Variants in OR51I2 observed in about 807,000 individuals in gnomAD.
OR51I2 encodes the protein olfactory receptor 51I2.
OR51I2 carries 6 observed loss-of-function variants against 9.3 expected under a neutral mutation model. That is an observed-to-expected ratio of 0.64 (90% CI 0.35 to 1.27). The LOEUF (loss-of-function observed/expected upper bound fraction) is 1.27, where lower values mean the gene tolerates loss of function less well. Among genes scored for constraint, OR51I2 ranks in the 50% most tolerant of loss-of-function variants. The pLI, the probability that OR51I2 is intolerant of heterozygous loss-of-function variation, is 0.03. For synonymous variants in OR51I2, 179 were observed against 143.1 expected (o/e 1.25, Z -1.79); for missense variants, 489 against 396.4 (o/e 1.23, Z -1.98).
Position 5,454,379 on chromosome 11 carries a change from G to A in OR51I2, c.891G>A (p.Lys297=). 4 of 1,612,236 alleles carry A rather than the reference G, an allele frequency of 2.5e-6. No homozygotes were observed. Among genetic ancestry groups the A allele is most frequent in the East Asian group, 2.2e-5 (1 of 44,878 alleles). Residue 297 remains lysine (K), a synonymous_variant, in exon 2 of 2, where the codon AAG becomes AAA. Transcript: ENST00000641930. ...LNPLIYSAKT[K]EIRRAIFRMF... ...CTCTCATTTATAGCGCCAAGACAAA[G>A]GAAATCCGCCGAGCCATTTTCCGCA...
In OR51I2 at chr11:5,453,630, G is replaced by A. The variant is rs909671496; in HGVS notation, c.142G>A (p.Ala48Thr). The A allele has an allele frequency of 6.2e-7, 1 of 1,613,778 alleles. No individual in the cohort carries two copies. The highest frequency in any genetic ancestry group is 8.5e-7 in the Non-Finnish European group (1 of 1,179,896). Residue 48 changes from alanine to threonine, a missense_variant, in exon 2 of 2, where the codon GCT becomes ACT. Transcript: ENST00000641930. ...TGGGGGAAATACAGTGATCCTGCAG[G>A]CTGTGCGAGTGGAGCCCAGCCTCCA... ...ALGGNTVILQ[A>T]VRVEPSLHEP...
rs1564819050 is a variant in OR51I2 at position 5,454,999 on chromosome 11, C to T, written c.*572C>T. 1 of 152,482 alleles carries T rather than the reference C, an allele frequency of 6.6e-6. No individual in the cohort carries two copies. Among genetic ancestry groups the T allele is most frequent in the Admixed American group, 6.5e-5 (1 of 15,296 alleles). 9.4% of individuals were successfully genotyped at this position (152,482 alleles called of 1,614,324 possible). Reference sequence around the variant, plus strand: ...CTGCCTTTGCTTTCCCCACCACTGTCATTCTCAAACACTCATACATTGCTT... The same window carrying T: ...CTGCCTTTGCTTTCCCCACCACTGTTATTCTCAAACACTCATACATTGCTT... On this transcript the variant is annotated 3_prime_UTR_variant, in exon 2 of 2. Coordinates refer to ENST00000641930, the MANE Select transcript of OR51I2 (RefSeq NM_001004754.3).
Position 5,453,802 on chromosome 11 carries a change from A to C in OR51I2, c.314A>C (p.His105Pro). The C allele has an allele frequency of 6.2e-7, 1 of 1,614,032 alleles. No homozygotes were observed. Among genetic ancestry groups the C allele is most frequent in the South Asian group, 1.1e-5 (1 of 91,078 alleles). Reference protein sequence around the residue: ...DACLIQMFLIHFFSMMESGIL... With the variant: ...DACLIQMFLIPFFSMMESGIL... ...TGTCTAATTCAGATGTTTCTTATTC[A>C]CTTCTTCTCCATGATGGAATCAGGT... The change falls in exon 2 of 2, where the codon CAC (histidine) becomes CCC (proline). Residue 105 changes from histidine (H) to proline (P), a missense_variant. By Grantham distance (77) the His-to-Pro change is moderately conservative (BLOSUM62 -2). Coordinates refer to ENST00000641930, the MANE Select transcript of OR51I2 (RefSeq NM_001004754.3).
At position 5,453,534 on chromosome 11, in the gene OR51I2, G is replaced by A; in HGVS notation, c.46G>A (p.Gly16Ser). The stretch of plus-strand genomic sequence containing the variant: ...TCACCCTGCATTCTTCCTCCTGACT[G>A]GTATCCCTGGTCTGGAGAGCTCTCA... ...VTHPAFFLLTGIPGLESSHSW... is the reference protein window; with the variant it reads ...VTHPAFFLLTSIPGLESSHSW... Residue 16 changes from glycine to serine, a missense_variant, in exon 2 of 2, where the codon GGT (glycine) becomes AGT (serine). By Grantham distance (56) the Gly-to-Ser change is moderately conservative (BLOSUM62 0). Transcript: ENST00000641930. The A allele has an allele frequency of 2.5e-6, 4 of 1,594,868 alleles. No homozygotes were observed. The highest frequency in any genetic ancestry group is 3.4e-6 in the Non-Finnish European group (4 of 1,172,158).
At position 5,454,028 on chromosome 11, in the gene OR51I2, G is replaced by A. The variant is rs1342656358; in HGVS notation, c.540G>A (p.Leu180=). Residue 180 remains leucine (L), a synonymous_variant, in exon 2 of 2, where the codon CTG becomes CTA. Coordinates refer to ENST00000641930, the MANE Select transcript of OR51I2 (RefSeq NM_001004754.3). The part of the protein sequence containing the change: ...RSNVLSHSYC[L]HPDMMRLACA... ...ATGTTCTTTCTCACTCCTACTGCCT[G>A]CACCCAGACATGATGAGGCTTGCCT... The A allele has an allele frequency of 6.2e-7, 1 of 1,613,914 alleles. No individual in the cohort carries two copies. The highest frequency in any genetic ancestry group is 8.5e-7 in the Non-Finnish European group (1 of 1,180,038).
Position 5,453,722 on chromosome 11 carries a change from GC to G in OR51I2, c.237del (p.Thr80LeufsTer19), listed in dbSNP as rs753761760. ...SDVAISMATL[P>X]TVLRTFCLNA... ...ATGTGGCCATATCCATGGCCACACT[GC>G]CCACTGTACTCCGAACCTTCTGCCT... On this transcript the variant is annotated frameshift_variant, in exon 2 of 2. Coordinates refer to ENST00000641930, the MANE Select transcript of OR51I2 (RefSeq NM_001004754.3). LOFTEE classifies it high-confidence loss of function. 3.0e-5 allele frequency: 48 copies of G among 1,613,904 alleles called. No homozygotes were observed. Among genetic ancestry groups the G allele is most frequent in the Middle Eastern group, 1.6e-4 (1 of 6,080 alleles).
intron 1 of OR51I2, among the ~76,000 whole-genome samples, chr11:5,451,311 T>TCA (rs1850843621): frequency 1.3e-5 from 2 of 152,378 alleles, no homozygotes; most frequent in South Asian, 4.1e-4. Flanking sequence ...AATCCTGCTT[T>TCA]CAGCCTGTTT....
intron 1 of OR51I2, among the ~76,000 whole-genome samples, chr11:5,451,159 T>G (rs1850841670): frequency 6.6e-6 from 1 of 152,174 alleles, no homozygotes; most frequent in East Asian, 1.9e-4. Flanking sequence ...TTTATTCCTA[T>G]CTGTCCAGAC....
At position 5,453,631 on chromosome 11, in the gene OR51I2, C is replaced by T; in HGVS notation, c.143C>T (p.Ala48Val). 6.2e-7 allele frequency: 1 copy of T among 1,613,786 alleles called. No homozygotes were observed. Among genetic ancestry groups the T allele is most frequent in the Non-Finnish European group, 8.5e-7 (1 of 1,179,868 alleles). Residue 48 changes from alanine (A) to valine (V), a missense_variant, in exon 2 of 2, where the codon GCT becomes GTT. Physicochemically the swap from Ala to Val is moderately conservative, Grantham distance 64 (BLOSUM62 0). Coordinates refer to ENST00000641930, the MANE Select transcript of OR51I2 (RefSeq NM_001004754.3). ...GGGGGAAATACAGTGATCCTGCAGG[C>T]TGTGCGAGTGGAGCCCAGCCTCCAT... ...ALGGNTVILQ[A>V]VRVEPSLHEP... is the part of the protein sequence containing the mutation.
At chr11:5,452,504 C>CAAAAAAAAAAAAAAAAAAA (rs56677841) in intron 1 of OR51I2, among the ~76,000 whole-genome samples, 2 of 69,188 alleles carry the variant, frequency 2.9e-5, no homozygotes, top group Non-Finnish European at 2.6e-5. Flanking sequence ...GACTCTGTCT[C>CAAAAAAAAAAAAAAAAAAA]AAAAAAAAAA....
chr11:5,450,973 TTTAAA>T (rs1266454346), intron 1 of OR51I2, among the ~76,000 whole-genome samples: 1 of 152,180 alleles, frequency 6.6e-6, no homozygotes, highest in Non-Finnish European at 1.5e-5. Flanking sequence ...CTTAAAAGTC[TTTAAA>T]TTAATGTTTT....
intron 1 of OR51I2, among the ~76,000 whole-genome samples, chr11:5,450,464 G>T (rs76208842): frequency 0.016 from 2,363 of 152,114 alleles, 57 homozygotes; most frequent in African/African-American, 0.053. Flanking sequence ...ATATTTCTAC[G>T]CTTATATAGC....
At position 5,453,283 on chromosome 11, in the gene OR51I2, G is replaced by T; in HGVS notation, c.-206G>T. On this transcript the variant is annotated 5_prime_UTR_variant, in exon 2 of 2. It adds an upstream start codon to the 5' untranslated region. Coordinates refer to ENST00000641930, the MANE Select transcript of OR51I2 (RefSeq NM_001004754.3). ...GAGGGAAATATTAGCTCAGCCTGCA[G>T]GCTGATCATCATAAAATATGAAGAA... The T allele has an allele frequency of 2.4e-6, 1 of 418,360 alleles. No homozygotes were observed. The highest frequency in any genetic ancestry group is 4.2e-6 in the Non-Finnish European group (1 of 237,418). The allele number at this position is 418,360 out of a possible 1,614,324, so 25.9% of individuals were successfully genotyped here. A position where few individuals can be genotyped will look rare whatever the true frequency, so the allele number is the denominator to read the frequency against.
In OR51I2 at chr11:5,454,421, A is replaced by C. The variant is rs1382468208; in HGVS notation, c.933A>C (p.Lys311Asn). Residue 311 changes from lysine (K) to asparagine (N), a missense_variant, in exon 2 of 2, where the codon AAA becomes AAC. Physicochemically the swap from Lys to Asn is moderately conservative, Grantham distance 94 (BLOSUM62 0). Coordinates refer to ENST00000641930, the MANE Select transcript of OR51I2 (RefSeq NM_001004754.3). ...RAIFRMFHHIKI is the reference protein window; with the variant it reads ...RAIFRMFHHINI ...TTTTCCGCATGTTTCACCACATCAA[A>C]ATATGACTTTCACACTTGGCTTTAG... 6.2e-7 allele frequency: 1 copy of C among 1,603,462 alleles called. No homozygotes were observed. The highest frequency in any genetic ancestry group is 1.3e-5 in the African/African-American group (1 of 74,968).
chr11:5,453,497 G>T lies in OR51I2; in HGVS notation c.9G>T (p.Leu3Phe), dbSNP rs564251258. The change falls in exon 2 of 2, where the codon TTG becomes TTT. Residue 3 changes from leucine (L) to phenylalanine (F), a missense_variant. Coordinates refer to ENST00000641930, the MANE Select transcript of OR51I2 (RefSeq NM_001004754.3). Reference sequence around the variant, plus strand: ...CCTAAGTTTGTTTTGCTATGGGGTTGTTCAATGTCACTCACCCTGCATTCT... The same window carrying T: ...CCTAAGTTTGTTTTGCTATGGGGTTTTTCAATGTCACTCACCCTGCATTCT... The part of the protein sequence containing the change: MG[L>F]FNVTHPAFFL... 1.9e-6 allele frequency: 3 copies of T among 1,548,910 alleles called. No individual in the cohort carries two copies. Among genetic ancestry groups the T allele is most frequent in the Non-Finnish European group, 2.6e-6 (3 of 1,150,646 alleles).
rs1473580278 is a variant in OR51I2 at position 5,456,261 on chromosome 11, G to A, written c.*1834G>A. ...AATATGAGCCTCCCAAAAAGCCTCT[G>A]GCTCCTTTGTACCTTAATTTCACCT... On this transcript the variant is annotated 3_prime_UTR_variant, in exon 2 of 2. Transcript: ENST00000641930. 6.6e-6 allele frequency: 1 copy of A among 152,102 alleles called. No homozygotes were observed. The highest frequency in any genetic ancestry group is 1.5e-5 in the Non-Finnish European group (1 of 68,010). 9.4% of individuals were successfully genotyped at this position (152,102 alleles called of 1,614,324 possible).
chr11:5,452,279 C>T (rs111570535), intron 1 of OR51I2, among the ~76,000 whole-genome samples: 10,937 of 151,804 alleles, frequency 0.072, 1,235 homozygotes, highest in African/African-American at 0.24. Context: ...CCAAGGCAGG[C>T]GGATCACGAG....
chr11:5,453,979 A>G lies in OR51I2; in HGVS notation c.491A>G (p.Lys164Arg). The change falls in exon 2 of 2, where the codon AAG becomes AGG. Residue 164 changes from lysine to arginine, a missense_variant. Transcript: ENST00000641930. ...ITLFPLPFLI[K>R]RLPICRSNVL... ...CTTTTCCCTCTTCCCTTTCTTATTA[A>G]GAGGCTGCCTATCTGCAGATCCAAT... 1.2e-6 allele frequency: 2 copies of G among 1,614,024 alleles called. No individual in the cohort carries two copies. The highest frequency in any genetic ancestry group is 1.7e-6 in the Non-Finnish European group (2 of 1,180,018).
At chr11:5,452,077 CA>C (rs1361102467) in intron 1 of OR51I2, among the ~76,000 whole-genome samples, 1 of 152,118 alleles carries the variant, frequency 6.6e-6, no homozygotes, top group East Asian at 1.9e-4. Context: ...GGGCAGTCCC[CA>C]AGCATGTAGA....
Sources: gnomAD v4.1 joint callset for allele counts (sites outside exome capture counted in the v4.1 genomes callset) on GRCh38, gnomAD v4.1.1 for gene constraint, MANE v1.5 for transcripts, NCBI Gene and HGNC (gene_info 2026-07-23, HGNC 2026-07-21) for gene names.